IKBIP: variants seen among roughly 807,000 people sequenced by gnomAD.
The protein encoded by IKBIP is IKBKB interacting protein.
A neutral mutation model predicts 31.0 loss-of-function variants in IKBIP; 28 were observed. The ratio of observed to expected loss-of-function variants is 0.90; its 90% CI spans 0.67 to 1.24. The LOEUF is 1.24. Ranked by LOEUF, IKBIP falls within the 50% of genes most tolerant of loss-of-function variation. The probability of loss-of-function intolerance (pLI) is 0.00; values close to 1 mark genes in which losing one functional copy is unlikely to be tolerated. For missense variants in IKBIP, 453 were observed against 441.9 expected (o/e 1.03, Z -0.23); for synonymous variants, 164 against 160.3 (o/e 1.02, Z -0.17).
exon 3 of IKBIP, chr12:98,613,557 A>C (rs1261408962): frequency 8.2e-7 from 1 of 1,222,612 alleles, no homozygotes; most frequent in African/African-American, 1.6e-5. Flanking sequence ...TAAAAAAATT[A>C]CCTTAGTCTA....
At chr12:98,619,504 T>C (rs1055592753), downstream of IKBIP, among the ~76,000 whole-genome samples, 1 of 152,228 alleles carries the variant, frequency 6.6e-6, no homozygotes, top group African/African-American at 2.4e-5. Flanking sequence ...CAATACAGTG[T>C]GGTAATAGTC....
rs1459222475 is a variant in IKBIP, at chr12:98,624,467, G to A, written c.*1463C>T. On this transcript the variant is annotated 3_prime_UTR_variant, in exon 3 of 3. Coordinates refer to ENST00000299157, the MANE Select transcript of IKBIP (RefSeq NM_153687.4). Reference sequence around the variant, plus strand: ...AACTCCAGTGGAGAAGGAGTTTGGGGGTTCTCCAAAAACTTGCAAATTTAC... The same window carrying A: ...AACTCCAGTGGAGAAGGAGTTTGGGAGTTCTCCAAAAACTTGCAAATTTAC... 1 of 984,902 alleles carries A rather than the reference G, an allele frequency of 1.0e-6. No homozygotes were observed. Among genetic ancestry groups the A allele is most frequent in the Non-Finnish European group, 1.2e-6 (1 of 829,684 alleles). The allele number at this position is 984,902 out of a possible 1,614,324, so 61.0% of individuals were successfully genotyped here. A position where few individuals can be genotyped will look rare whatever the true frequency, so the allele number is the denominator to read the frequency against.
At chr12:98,644,399 C>CA (rs1398025585) in intron 1 of IKBIP, 124 bp downstream of exon 1, 16 of 908,494 alleles carry the variant, frequency 1.8e-5, no homozygotes, top group Middle Eastern at 3.4e-4. Flanking sequence ...GGGGTCAAGA[C>CA]AGAGGCACAG....
At position 98,644,555 on chromosome 12, in the gene IKBIP, C is replaced by T. The variant is rs376525749; in HGVS notation, c.147G>A (p.Leu49=). The change falls in exon 1 of 3, where the codon CTG becomes CTA. Residue 49 remains leucine, a synonymous_variant. Coordinates refer to ENST00000299157, the MANE Select transcript of IKBIP (RefSeq NM_153687.4). Reference sequence around the variant, plus strand: ...GGCCCAGGCACGTCCCCAGCGACAGCAGGCTCAGGCACGTTCGGGGGTCTG... The same window carrying T: ...GGCCCAGGCACGTCCCCAGCGACAGTAGGCTCAGGCACGTTCGGGGGTCTG... ...GWADPRTCLS[L]LSLGTCLGLA... 3.5e-4 allele frequency: 562 copies of T among 1,607,186 alleles called. 2 individuals carry two copies. The African/African-American group carries it at 6.8e-3, about 20-fold the overall frequency.
At chr12:98,614,346 A>T in intron 2 of IKBIP, 1 of 1,444,040 alleles carries the variant, frequency 6.9e-7, no homozygotes, top group South Asian at 1.3e-5. Flanking sequence ...TGCCACTATA[A>T]GAAAATATAA....
Position 98,614,251 on chromosome 12 carries a change from T to C in IKBIP, c.387A>G (p.Val129=). 4.3e-6 allele frequency: 7 copies of C among 1,612,786 alleles called. No homozygotes were observed. In the South Asian group the frequency reaches 5.5e-5, roughly 13 times the overall value. Residue 129 remains valine (V), a synonymous_variant, in exon 3 of 3, where the codon GTA becomes GTG. Transcript: ENST00000342502. ...CAGTTATCCTATTGGACCAAGTTTT[T>C]ACCTCATTAATTTCTTCCTGTAGAC...
In IKBIP at chr12:98,626,362, A is replaced by G. The variant is rs756662733; in HGVS notation, c.702T>C (p.Asp234=). Reference sequence around the variant, plus strand: ...CTTCTAACTTTTCAATTGCCTTTGTATCAGAGCCTAGCTGCTCCTCTACTC... The same window carrying G: ...CTTCTAACTTTTCAATTGCCTTTGTGTCAGAGCCTAGCTGCTCCTCTACTC... ...LLRVEEQLGS[D]TKAIEKLEEE... The change falls in exon 3 of 3, where the codon GAT becomes GAC. Residue 234 remains aspartate (D), a synonymous_variant. Transcript: ENST00000299157. 1.2e-6 allele frequency: 2 copies of G among 1,614,082 alleles called. No individual in the cohort carries two copies. The highest frequency in any genetic ancestry group is 1.7e-6 in the Non-Finnish European group (2 of 1,180,034).
At chr12:98,640,129 T>C (rs983007670) in intron 1 of IKBIP, among the ~76,000 whole-genome samples, 1 of 152,198 alleles carries the variant, frequency 6.6e-6, no homozygotes, top group African/African-American at 2.4e-5. Flanking sequence ...ACAGATACTA[T>C]AAAAAACTTT....
exon 3 of IKBIP, chr12:98,613,748 A>G: frequency 6.2e-7 from 1 of 1,612,416 alleles, no homozygotes; most frequent in East Asian, 2.2e-5. Flanking sequence ...ATCATTTACT[A>G]ATGGTTCTAA....
At chr12:98,634,240 T>A in intron 2 of IKBIP, 56 bp downstream of exon 2, 1 of 819,610 alleles carries the variant, frequency 1.2e-6, no homozygotes, top group Non-Finnish European at 2.1e-6. Context: ...GATAGAGAAA[T>A]GATAGTGGGG....
chr12:98,617,429 T>A (rs1211371935), intron 2 of IKBIP, among the ~76,000 whole-genome samples: 1 of 152,218 alleles, frequency 6.6e-6, no homozygotes, highest in East Asian at 1.9e-4. Context: ...GTTATTTTTG[T>A]TGTTGTTTGT....
intron 2 of IKBIP, among the ~76,000 whole-genome samples, chr12:98,628,620 C>T (rs1383306680): frequency 3.9e-5 from 6 of 152,172 alleles, no homozygotes; most frequent in Non-Finnish European, 7.3e-5. Flanking sequence ...CACATATTTG[C>T]CTCTTAGCAC....
rs1326324074 is a variant in IKBIP, at chr12:98,613,942, T to A, written c.696A>T (p.Ala232=). The A allele has an allele frequency of 1.1e-5, 18 of 1,613,842 alleles. No individual in the cohort carries two copies. The East Asian group carries it at 4.0e-4, about 36-fold the overall frequency. Residue 232 remains alanine (A), a synonymous_variant, in exon 3 of 3, where the codon GCA becomes GCT. Coordinates refer to the IKBIP transcript ENST00000342502. ...AGTTAATTCTTTGTGAATTTTCAGA[T>A]GCTGTCTTTCGGAGCGTTGCTGTTC...
chr12:98,625,904 G>T lies in IKBIP; in HGVS notation c.*26C>A. ...CTAATCAATTTATGTATAATGATAT[G>T]GTTCATCAGAATAAATGTCATGAAT... On this transcript the variant is annotated 3_prime_UTR_variant, in exon 3 of 3. Transcript: ENST00000299157. The T allele has an allele frequency of 7.3e-7, 1 of 1,368,786 alleles. No homozygotes were observed. Among genetic ancestry groups the T allele is most frequent in the Non-Finnish European group, 9.6e-7 (1 of 1,036,604 alleles). 84.8% of individuals were successfully genotyped at this position (1,368,786 alleles called of 1,614,324 possible).
chr12:98,644,548 G>A lies in IKBIP; in HGVS notation c.154C>T (p.Leu52=). 6.2e-7 allele frequency: 1 copy of A among 1,606,040 alleles called. No individual in the cohort carries two copies. The highest frequency in any genetic ancestry group is 8.5e-7 in the Non-Finnish European group (1 of 1,177,002). ...CAGGCCAGGCCCAGGCACGTCCCCA[G>A]CGACAGCAGGCTCAGGCACGTTCGG... The part of the protein sequence containing the change: ...DPRTCLSLLS[L]GTCLGLAWFV... The change falls in exon 1 of 3, where the codon CTG becomes TTG. Residue 52 remains leucine, a synonymous_variant. Coordinates refer to ENST00000299157, the MANE Select transcript of IKBIP (RefSeq NM_153687.4).
rs71432181 is a variant in IKBIP at position 98,633,510 on chromosome 12, C to CTTTTTTTTTTTTTTTTTTTTTT, written c.297+764_297+785dup. Reference sequence around the variant, plus strand: ...GCTAGCCGTTCTTTTTTTTTTAATTCTTTTTTTTTTTTTTTTTTTTTTTTG... The same window carrying CTTTTTTTTTTTTTTTTTTTTTT: ...GCTAGCCGTTCTTTTTTTTTTAATTCTTTTTTTTTTTTTTTTTTTTTTTTTTTTTTTTTTTTTTTTTTTTTTG... On this transcript the variant is annotated intron_variant, in intron 2 of 2. Transcript: ENST00000299157. 9.8e-5 allele frequency among the ~76,000 whole-genome samples: 6 copies of CTTTTTTTTTTTTTTTTTTTTTT among 61,374 alleles called. 1 individual carries two copies. The highest frequency in any genetic ancestry group is 1.4e-4 in the Non-Finnish European group (5 of 35,572). 40.3% of individuals were successfully genotyped at this position (61,374 alleles called of 152,430 possible). A position where few individuals can be genotyped will look rare whatever the true frequency, so the allele number is the denominator to read the frequency against.
rs367822747 is a variant in IKBIP, at chr12:98,629,572, TAC to T, written c.298-2808_298-2807del. On this transcript the variant is annotated intron_variant, in intron 2 of 2. Coordinates refer to ENST00000299157, the MANE Select transcript of IKBIP (RefSeq NM_153687.4). ...AGACCCTGTCTCAAACATACATACA[TAC>T]ACACACACACATTTAAAGAAAACAA... Among the ~76,000 whole-genome samples the T allele has an allele frequency of 8.2e-4, 124 of 151,752 alleles. 1 individual carries two copies. The South Asian group carries it at 0.025, about 31-fold the overall frequency.
chr12:98,626,390 A>C lies in IKBIP; in HGVS notation c.674T>G (p.Leu225Arg). The C allele has an allele frequency of 3.7e-6, 6 of 1,613,806 alleles. No individual in the cohort carries two copies. The highest frequency in any genetic ancestry group is 5.1e-6 in the Non-Finnish European group (6 of 1,180,002). Residue 225 changes from leucine (L) to arginine (R), a missense_variant, in exon 3 of 3, where the codon CTG becomes CGG. Transcript: ENST00000299157. ...AGAGCCTAGCTGCTCCTCTACTCGC[A>C]GGAGATCTTCTTCTTCTTGTCTTTT... Reference protein sequence around the residue: ...TVKRQEEEDLLRVEEQLGSDT... With the variant: ...TVKRQEEEDLRRVEEQLGSDT...
At chr12:98,614,190 G>C in exon 3 of IKBIP, 1 of 1,613,928 alleles carries the variant, frequency 6.2e-7, no homozygotes, top group Non-Finnish European at 8.5e-7. Flanking sequence ...TCTTGAGAAA[G>C]CGTCGTCAGA....
Sources: gnomAD v4.1 joint callset for allele counts (sites outside exome capture counted in the v4.1 genomes callset) on GRCh38, gnomAD v4.1.1 for gene constraint, MANE v1.5 for transcripts, NCBI Gene and HGNC (gene_info 2026-07-23, HGNC 2026-07-21) for gene names.